Variants in CDH8 observed in about 807,000 individuals in gnomAD.
CDH8 encodes cadherin 8.
CDH8 carries 17 observed loss-of-function variants against 68.1 expected under a neutral mutation model. The observed-to-expected ratio is 0.25, with a 90% confidence interval of 0.17 to 0.37. The LOEUF (loss-of-function observed/expected upper bound fraction) is 0.37. Among genes scored for constraint, CDH8 ranks in the 10% least tolerant of loss-of-function variants. The pLI is 1.00. For synonymous variants in CDH8, 372 were observed against 365.1 expected, an observed-to-expected ratio of 1.02 and a Z score of -0.21; for missense variants, 763 against 999.3, an observed-to-expected ratio of 0.76 and a Z score of 3.19.
intron 8 of CDH8, among the ~76,000 whole-genome samples, chr16:61,779,738 A>G (rs1960998936): frequency 6.6e-6 from 1 of 152,132 alleles, no homozygotes; most frequent in African/African-American, 2.4e-5. Flanking sequence ...AAGTTCTGCT[A>G]TGTTTATTAG....
intron 4 of CDH8, among the ~76,000 whole-genome samples, chr16:61,826,810 C>T (rs1458126868): frequency 6.6e-6 from 1 of 151,776 alleles, no homozygotes; most frequent in Non-Finnish European, 1.5e-5. Context: ...AGTTCTTATA[C>T]ACTTTATTAG....
chr16:61,753,938 T>G (rs1018248685), intron 8 of CDH8, among the ~76,000 whole-genome samples: 1 of 152,132 alleles, frequency 6.6e-6, no homozygotes, highest in Non-Finnish European at 1.5e-5. Flanking sequence ...TATATATTAC[T>G]TTTTTATTTG....
At chr16:61,730,270 A>G (rs1199633647) in intron 8 of CDH8, among the ~76,000 whole-genome samples, 1 of 151,470 alleles carries the variant, frequency 6.6e-6, no homozygotes, top group Non-Finnish European at 1.5e-5. Flanking sequence ...TATGTCATAT[A>G]TGGGACAAAG....
Position 61,653,724 on chromosome 16 carries a change from A to G in CDH8, c.2284T>C (p.Leu762=), listed in dbSNP as rs1203192534. The G allele has an allele frequency of 6.2e-7, 1 of 1,614,208 alleles. No homozygotes were observed. Among genetic ancestry groups the G allele is most frequent in the Non-Finnish European group, 8.5e-7 (1 of 1,180,038 alleles). ...RGSVAGSLSS[L]ESTTSDSDQN... is the part of the protein sequence containing the mutation. ...TCTGAGTCTGATGTGGTGGACTCCA[A>G]GGAGCTGAGGGAGCCAGCCACTGAC... Residue 762 remains leucine, a synonymous_variant, in exon 12 of 12, where the codon TTG becomes CTG. Coordinates refer to ENST00000577390, the MANE Select transcript of CDH8 (RefSeq NM_001796.5).
At chr16:61,751,382 T>TAAAAAAAAAAAAA (rs71134375) in intron 8 of CDH8, among the ~76,000 whole-genome samples, 2 of 54,152 alleles carry the variant, frequency 3.7e-5, no homozygotes, top group African/African-American at 7.8e-5. Context: ...ATATTCTCCT[T>TAAAAAAAAAAAAA]AAAAAAAAAA....
chr16:61,885,186 A>G (rs779815634), intron 3 of CDH8, among the ~76,000 whole-genome samples: 1 of 152,188 alleles, frequency 6.6e-6, no homozygotes, highest in Non-Finnish European at 1.5e-5. Flanking sequence ...AGAAGTCAGG[A>G]TATCAGTTAA....
chr16:61,795,960 A>G (rs796966016), intron 7 of CDH8, among the ~76,000 whole-genome samples: 3 of 152,064 alleles, frequency 2.0e-5, no homozygotes, highest in African/African-American at 7.2e-5. Context: ...CTATTTCTGT[A>G]TAAACATTTG....
chr16:61,851,946 G>A (rs1962946833), intron 4 of CDH8, among the ~76,000 whole-genome samples: 1 of 151,964 alleles, frequency 6.6e-6, no homozygotes, highest in African/African-American at 2.4e-5. Flanking sequence ...ATGGGATCAG[G>A]CAGATTCACC....
intron 3 of CDH8, among the ~76,000 whole-genome samples, chr16:61,863,640 T>C (rs1484803825): frequency 6.6e-6 from 1 of 152,104 alleles, no homozygotes; most frequent in African/African-American, 2.4e-5. Flanking sequence ...AGAAGACAAA[T>C]TCCATTTGCA....
Position 61,808,988 on chromosome 16 carries a change from C to T in CDH8, c.1277+8491G>A, listed in dbSNP as rs529540795. Among the ~76,000 whole-genome samples, 147 of 152,238 alleles carry T rather than the reference C, an allele frequency of 9.7e-4. 1 individual carries two copies. The highest frequency in any genetic ancestry group is 3.3e-3 in the Admixed American group (50 of 15,290). ...ATCACCTGAGGTCAGGAGTTCAAGA[C>T]CAGCTTGATCAACATGGAGAAACCC... On this transcript the variant is annotated intron_variant, in intron 7 of 11. Transcript: ENST00000577390.
At chr16:61,662,924 T>C (rs1373255552) in intron 10 of CDH8, among the ~76,000 whole-genome samples, 1 of 151,990 alleles carries the variant, frequency 6.6e-6, no homozygotes, top group East Asian at 1.9e-4. Context: ...CTCATTCTTT[T>C]GTAATGCTTT....
chr16:61,985,918 CTTTT>C (rs71134380), intron 2 of CDH8, among the ~76,000 whole-genome samples: 50 of 91,114 alleles, frequency 5.5e-4, no homozygotes, highest in African/African-American at 1.2e-3. Flanking sequence ...CCTTTCTTTA[CTTTT>C]TTTTTTTTTT....
intron 10 of CDH8, among the ~76,000 whole-genome samples, chr16:61,698,933 C>T (rs1964374664): frequency 1.3e-5 from 2 of 152,158 alleles, no homozygotes; most frequent in Admixed American, 1.3e-4. Context: ...AGTTTTCCTG[C>T]TGTTTGGAAA....
chr16:61,879,645 C>T (rs1297300846), intron 3 of CDH8, among the ~76,000 whole-genome samples: 3 of 152,126 alleles, frequency 2.0e-5, no homozygotes, highest in East Asian at 3.9e-4. Context: ...AGTTCTTTTG[C>T]CTTTTTCCTA....
intron 4 of CDH8, among the ~76,000 whole-genome samples, chr16:61,852,652 T>G (rs1294876607): frequency 6.6e-6 from 1 of 152,128 alleles, no homozygotes; most frequent in African/African-American, 2.4e-5. Context: ...TGGTGTTCTT[T>G]CCATCAGAGA....
intron 8 of CDH8, among the ~76,000 whole-genome samples, chr16:61,738,252 A>G (rs1959759684): frequency 1.3e-5 from 2 of 152,162 alleles, no homozygotes; most frequent in Admixed American, 1.3e-4. Flanking sequence ...AAAGCATGCT[A>G]TCTTGCTACT....
rs1012946841 is a variant in CDH8, at chr16:61,871,862, G to C, written c.548-14624C>G. On this transcript the variant is annotated intron_variant, in intron 3 of 11. Transcript: ENST00000577390. ...AAAAAAAAAAACCCAGAAATCAGTAGCTACCTGAAAATCAGAATGTGGAGA... is the reference window on the plus strand; with the variant it reads ...AAAAAAAAAAACCCAGAAATCAGTACCTACCTGAAAATCAGAATGTGGAGA... 3.4e-4 allele frequency among the ~76,000 whole-genome samples: 36 copies of C among 105,642 alleles called. 1 individual carries two copies. Among genetic ancestry groups the C allele is most frequent in the African/African-American group, 1.2e-3 (34 of 29,288 alleles). The allele number at this position is 105,642 out of a possible 152,430, so 69.3% of individuals were successfully genotyped here. A position where few individuals can be genotyped will look rare whatever the true frequency, so the allele number is the denominator to read the frequency against.
chr16:62,001,780 C>G (rs1455154156), intron 2 of CDH8, among the ~76,000 whole-genome samples: 1 of 152,120 alleles, frequency 6.6e-6, no homozygotes, highest in Non-Finnish European at 1.5e-5. Context: ...ATTAACTCGT[C>G]ATTTAACATT....
At chr16:61,663,477 T>C (rs4564555) in intron 10 of CDH8, among the ~76,000 whole-genome samples, 17,360 of 151,974 alleles carry the variant, frequency 0.11, 1,057 homozygotes, top group Non-Finnish European at 0.12. Context: ...AAAATGTATA[T>C]GTTTTATTTC....
Sources: gnomAD v4.1 joint callset for allele counts (sites outside exome capture counted in the v4.1 genomes callset) on GRCh38, gnomAD v4.1.1 for gene constraint, MANE v1.5 for transcripts, NCBI Gene and HGNC (gene_info 2026-07-23, HGNC 2026-07-21) for gene names.